The following DCC variants were observed in gnomAD, a reference collection of about 807,000 sequenced individuals.
DCC encodes netrin receptor DCC.
A neutral mutation model predicts 172.5 loss-of-function variants in DCC; 58 were observed. The ratio of observed to expected loss-of-function variants is 0.34; its 90% CI spans 0.27 to 0.42. The LOEUF (loss-of-function observed/expected upper bound fraction) is 0.42. Among genes scored for constraint, DCC ranks in the 10% least tolerant of loss-of-function variants. DCC has a pLI of 1.00. For synonymous variants in DCC, 709 were observed against 644.5 expected (o/e 1.10, Z -1.52); for missense variants, 1,740 against 1,791.0 (o/e 0.97, Z 0.51).
chr18:52,433,230 T>A (rs554732895), intron 1 of DCC, among the ~76,000 whole-genome samples: 1 of 152,206 alleles, frequency 6.6e-6, no homozygotes. Context: ...AACCCACTTG[T>A]GTTCATTGAA....
chr18:53,433,411 A>C (rs1014950757), intron 21 of DCC, among the ~76,000 whole-genome samples: 1 of 152,206 alleles, frequency 6.6e-6, no homozygotes, highest in Non-Finnish European at 1.5e-5. Flanking sequence ...AAAATCCTCC[A>C]TAGGCTACCT....
chr18:52,984,720 A>G lies in DCC; in HGVS notation c.985+59350A>G, dbSNP rs181837157. ...TAAAACCAATAAACAACACATTACT[A>G]TAGTATGATTATCCAATTATGATTC... On this transcript the variant is annotated intron_variant, in intron 5 of 28. Coordinates refer to ENST00000442544, the MANE Select transcript of DCC (RefSeq NM_005215.4). Among the ~76,000 whole-genome samples the G allele has an allele frequency of 2.3e-3, 345 of 152,250 alleles. 1 individual carries two copies. Among genetic ancestry groups the G allele is most frequent in the African/African-American group, 7.8e-3 (324 of 41,570 alleles).
chr18:53,137,370 T>C (rs1299748736), intron 7 of DCC, among the ~76,000 whole-genome samples: 1 of 152,240 alleles, frequency 6.6e-6, no homozygotes, highest in Non-Finnish European at 1.5e-5. Flanking sequence ...GACTGATACC[T>C]GATGACTATC....
intron 1 of DCC, among the ~76,000 whole-genome samples, chr18:52,501,290 A>G (rs2031008074): frequency 6.6e-6 from 1 of 152,106 alleles, no homozygotes; most frequent in African/African-American, 2.4e-5. Flanking sequence ...ACAGAATTGG[A>G]GTATAGTAAA....
chr18:53,316,337 T>C (rs1471315202), intron 13 of DCC, among the ~76,000 whole-genome samples: 2 of 152,210 alleles, frequency 1.3e-5, no homozygotes, highest in South Asian at 2.1e-4. Context: ...ACCAGTACCA[T>C]GCTGTTTTGT....
At chr18:52,799,425 G>T (rs545805044) in intron 2 of DCC, among the ~76,000 whole-genome samples, 1 of 152,284 alleles carries the variant, frequency 6.6e-6, no homozygotes, top group East Asian at 1.9e-4. Context: ...TAACAAGGAA[G>T]CATGAAAATG....
At chr18:53,160,930 C>T (rs921052896) in intron 8 of DCC, among the ~76,000 whole-genome samples, 25 of 152,168 alleles carry the variant, frequency 1.6e-4, no homozygotes, top group African/African-American at 6.0e-4. Flanking sequence ...TAAAGCGAAA[C>T]TTTCACTTGT....
chr18:53,489,015 T>C (rs1483586164), intron 26 of DCC, among the ~76,000 whole-genome samples: 1 of 151,280 alleles, frequency 6.6e-6, no homozygotes, highest in Non-Finnish European at 1.5e-5. Context: ...AAAAAATTGC[T>C]GGGCATGGTG....
At chr18:52,501,601 G>A (rs17755094) in intron 1 of DCC, among the ~76,000 whole-genome samples, 1,564 of 152,240 alleles carry the variant, frequency 0.01, 60 homozygotes, top group Admixed American at 0.066. Flanking sequence ...ACTTTTCACC[G>A]ATGAGGAAAC....
intron 1 of DCC, among the ~76,000 whole-genome samples, chr18:52,673,976 T>C (rs2035602893): frequency 6.6e-6 from 1 of 152,124 alleles, no homozygotes; most frequent in Admixed American, 6.6e-5. Context: ...ACCTATGGTC[T>C]TTTATACTCA....
chr18:52,907,149 T>TTA (rs2039895293), intron 3 of DCC, among the ~76,000 whole-genome samples: 1 of 149,822 alleles, frequency 6.7e-6, no homozygotes, highest in South Asian at 2.1e-4. Flanking sequence ...TTTAAATATA[T>TTA]CATACATATA....
chr18:52,743,300 G>A (rs920612318), intron 1 of DCC, among the ~76,000 whole-genome samples: 23 of 152,198 alleles, frequency 1.5e-4, no homozygotes, highest in African/African-American at 4.6e-4. Context: ...GAAAAACACG[G>A]AAGCTAAAGC....
chr18:53,248,416 T>C (rs1024984259), intron 12 of DCC, among the ~76,000 whole-genome samples: 2 of 151,992 alleles, frequency 1.3e-5, no homozygotes, highest in Non-Finnish European at 2.9e-5. Flanking sequence ...TCCCCATTTT[T>C]AGAGGGTAGC....
chr18:52,926,710 T>C (rs1165587262), intron 5 of DCC, among the ~76,000 whole-genome samples: 1 of 151,136 alleles, frequency 6.6e-6, no homozygotes, highest in Non-Finnish European at 1.5e-5. Flanking sequence ...TATTTTGACA[T>C]GTAATGGTTC....
intron 5 of DCC, among the ~76,000 whole-genome samples, chr18:53,010,733 A>G (rs1366401186): frequency 6.6e-6 from 1 of 150,912 alleles, no homozygotes; most frequent in Non-Finnish European, 1.5e-5. Context: ...AATGTTTATG[A>G]TATACTTTCT....
At chr18:52,642,275 G>A (rs1306076796) in intron 1 of DCC, among the ~76,000 whole-genome samples, 1 of 151,814 alleles carries the variant, frequency 6.6e-6, no homozygotes, top group African/African-American at 2.4e-5. Flanking sequence ...AGGCTGTGAG[G>A]ATGCAAAGGC....
intron 5 of DCC, among the ~76,000 whole-genome samples, chr18:53,014,440 TCCCCCCA>T (rs1568245364): frequency 1.5e-4 from 3 of 20,362 alleles, no homozygotes; most frequent in African/African-American, 3.7e-4. Context: ...CCCTCCCCCC[TCCCCCCA>T]CCCCACAACA....
intron 12 of DCC, among the ~76,000 whole-genome samples, chr18:53,272,102 T>A (rs2056755834): frequency 6.6e-6 from 1 of 152,118 alleles, no homozygotes; most frequent in Non-Finnish European, 1.5e-5. Flanking sequence ...CTTAGTATTT[T>A]GGCAGAACTG....
chr18:53,230,231 A>C (rs2056101391), intron 12 of DCC, among the ~76,000 whole-genome samples: 1 of 152,154 alleles, frequency 6.6e-6, no homozygotes, highest in South Asian at 2.1e-4. Flanking sequence ...TATCCTGCTT[A>C]CTGTCTATAA....
Sources: allele counts gnomAD v4.1 joint callset (sites outside exome capture counted in the v4.1 genomes callset), GRCh38; gene constraint gnomAD v4.1.1; transcripts MANE v1.5; gene names NCBI Gene and HGNC (gene_info 2026-07-23, HGNC 2026-07-21).